Variants in ACTR3C observed in about 807,000 individuals in gnomAD.
ACTR3C encodes the protein actin-related protein 3C.
A neutral mutation model predicts 26.3 loss-of-function variants in ACTR3C; 18 were observed. The ratio of observed to expected loss-of-function variants is 0.68; its 90% CI spans 0.47 to 1.01. The LOEUF (loss-of-function observed/expected upper bound fraction) is 1.01. Ranked by LOEUF, ACTR3C falls within the 50% of genes least tolerant of loss-of-function variation. The probability of loss-of-function intolerance (pLI) is 0.00; values close to 1 mark genes in which losing one functional copy is unlikely to be tolerated. For missense variants in ACTR3C, 184 were observed against 250.7 expected (o/e 0.73, Z 1.80); for synonymous variants, 55 against 94.5 (o/e 0.58, Z 2.42).
the ACTR3C span, among the ~76,000 whole-genome samples, chr7:150,035,940 G>C: frequency 7.2e-6 from 1 of 139,636 alleles, no homozygotes; most frequent in Non-Finnish European, 1.6e-5. Context: ...CCTGCGATGG[G>C]GGTCCTCAGA....
the ACTR3C span, among the ~76,000 whole-genome samples, chr7:150,039,475 G>A: frequency 4.9e-5 from 4 of 82,368 alleles, no homozygotes; most frequent in Admixed American, 1.4e-4. Flanking sequence ...AGCCAGGGGC[G>A]GAAGAGGGGA....
the ACTR3C span, among the ~76,000 whole-genome samples, chr7:150,003,507 TGCG>T: frequency 6.6e-6 from 1 of 151,312 alleles, no homozygotes; most frequent in South Asian, 2.1e-4. Context: ...ATGTGTGGCA[TGCG>T]GTGTGGTATG....
Position 150,311,392 on chromosome 7 carries a change from G to A in ACTR3C, c.-52+12077C>T, listed in dbSNP as rs1005866348. Reference sequence around the variant, plus strand: ...GCAGTGGCAGCTGCTGCTTTAATACGTCTAGAGGCCCTCACAATCACAAGC... The same window carrying A: ...GCAGTGGCAGCTGCTGCTTTAATACATCTAGAGGCCCTCACAATCACAAGC... On this transcript the variant is annotated intron_variant, in intron 1 of 7. Transcript: ENST00000683684. Among the ~76,000 whole-genome samples the A allele has an allele frequency of 2.2e-4, 33 of 152,246 alleles. No homozygotes were observed. The East Asian group carries it at 3.5e-3, about 16-fold the overall frequency.
the ACTR3C span, among the ~76,000 whole-genome samples, chr7:149,963,209 C>A: frequency 6.6e-6 from 1 of 152,142 alleles, no homozygotes; most frequent in East Asian, 1.9e-4. Context: ...ATCAAGTGGG[C>A]CTCACAGATT....
the ACTR3C span, among the ~76,000 whole-genome samples, chr7:150,235,049 A>T: frequency 6.6e-6 from 1 of 152,202 alleles, no homozygotes; most frequent in Non-Finnish European, 1.5e-5. Flanking sequence ...TTGTCATATC[A>T]TAATAAACAT....
chr7:150,194,529 CT>C, the ACTR3C span, among the ~76,000 whole-genome samples: 1 of 151,200 alleles, frequency 6.6e-6, no homozygotes, highest in African/African-American at 2.4e-5. Flanking sequence ...CCATCTTTGC[CT>C]TTTAATTTGT....
At chr7:150,137,368 A>G in the ACTR3C span, among the ~76,000 whole-genome samples, 1 of 152,232 alleles carries the variant, frequency 6.6e-6, no homozygotes, top group South Asian at 2.1e-4. Context: ...ACGAGGGAGA[A>G]ATCATCTACA....
the ACTR3C span, among the ~76,000 whole-genome samples, chr7:149,919,429 C>T: frequency 4.6e-5 from 7 of 151,820 alleles, no homozygotes; most frequent in Admixed American, 2.6e-4. Context: ...TTAGTAGAGA[C>T]GGGGTTTCAC....
chr7:150,163,322 A>G, the ACTR3C span, among the ~76,000 whole-genome samples: 1 of 151,982 alleles, frequency 6.6e-6, no homozygotes, highest in Admixed American at 6.5e-5. Flanking sequence ...CTTCAAAGAA[A>G]CAAAACCAAT....
At chr7:149,891,227 A>C in the ACTR3C span, 1 of 1,242,498 alleles carries the variant, frequency 8.0e-7, no homozygotes, top group East Asian at 2.4e-5. Context: ...CAGCTCGAAG[A>C]TATTTAAAAA....
At chr7:149,979,321 A>G in the ACTR3C span, among the ~76,000 whole-genome samples, 1 of 152,238 alleles carries the variant, frequency 6.6e-6, no homozygotes. Context: ...AGAAATCTGC[A>G]TCGCATTGTC....
the ACTR3C span, among the ~76,000 whole-genome samples, chr7:150,226,584 G>A: frequency 2.2e-4 from 33 of 152,090 alleles, no homozygotes; most frequent in East Asian, 4.4e-3. Flanking sequence ...CTACAGGCAC[G>A]CACCACCACG....
At chr7:149,912,235 A>G in the ACTR3C span, among the ~76,000 whole-genome samples, 1 of 151,728 alleles carries the variant, frequency 6.6e-6, no homozygotes, top group Non-Finnish European at 1.5e-5. Context: ...CCCTGAAATC[A>G]TAACTATGGC....
the ACTR3C span, among the ~76,000 whole-genome samples, chr7:149,894,412 CT>C: frequency 6.6e-6 from 1 of 152,144 alleles, no homozygotes; most frequent in South Asian, 2.1e-4. Flanking sequence ...AACTAAAAGT[CT>C]TCTGCACAGC....
chr7:150,228,376 A>G, the ACTR3C span, among the ~76,000 whole-genome samples: 1 of 152,208 alleles, frequency 6.6e-6, no homozygotes, highest in Non-Finnish European at 1.5e-5. Context: ...CCTCAAAAGA[A>G]ACTCACATAC....
the ACTR3C span, among the ~76,000 whole-genome samples, chr7:149,945,814 C>T: frequency 6.6e-6 from 1 of 152,168 alleles, no homozygotes; most frequent in Non-Finnish European, 1.5e-5. Flanking sequence ...GACAACCTTG[C>T]TATGCACGGA....
the ACTR3C span, among the ~76,000 whole-genome samples, chr7:149,884,491 A>G: frequency 3.3e-5 from 5 of 152,350 alleles, no homozygotes; most frequent in African/African-American, 1.2e-4. Context: ...ACAAAATGAA[A>G]AGTGAGGTAA....
At chr7:149,911,669 G>GAAAA in the ACTR3C span, among the ~76,000 whole-genome samples, 5 of 140,098 alleles carry the variant, frequency 3.6e-5, no homozygotes, top group South Asian at 8.9e-4. Flanking sequence ...ATGGGTTTCA[G>GAAAA]AAAAAAAAAA....
At chr7:150,070,391 G>C in the ACTR3C span, among the ~76,000 whole-genome samples, 3 of 152,192 alleles carry the variant, frequency 2.0e-5, no homozygotes, top group Non-Finnish European at 4.4e-5. Flanking sequence ...TGGAAGATGT[G>C]TATAACATTT....
Sources: allele counts gnomAD v4.1 joint callset (sites outside exome capture counted in the v4.1 genomes callset), GRCh38; gene constraint gnomAD v4.1.1; transcripts MANE v1.5; gene names NCBI Gene and HGNC (gene_info 2026-07-23, HGNC 2026-07-21).